The following NCAPG variants were observed in gnomAD, a reference collection of about 807,000 sequenced individuals.
NCAPG encodes non-SMC condensin I complex subunit G, also known as condensin complex subunit 3.
A neutral mutation model predicts 113.1 loss-of-function variants in NCAPG; 69 were observed. The ratio of observed to expected loss-of-function variants is 0.61; its 90% CI spans 0.50 to 0.75. The LOEUF is 0.75. NCAPG is among the 30% of genes least tolerant of loss of function. The probability of loss-of-function intolerance (pLI) is 0.00; values close to 1 mark genes in which losing one functional copy is unlikely to be tolerated. For synonymous variants in NCAPG, 370 were observed against 415.8 expected (o/e 0.89, Z 1.34); for missense variants, 1,058 against 1,177.0 (o/e 0.90, Z 1.48).
intron 15 of NCAPG, 74 bp from the exon 16 acceptor site, chr4:17,837,553 T>C (rs1214955208): frequency 1.4e-6 from 2 of 1,475,768 alleles, no homozygotes; most frequent in Admixed American, 2.1e-5. Context: ...TCCTACATAG[T>C]AGTTTTGAAT....
At chr4:17,820,601 C>CA (rs561508725) in intron 7 of NCAPG, among the ~76,000 whole-genome samples, 20 of 149,546 alleles carry the variant, frequency 1.3e-4, no homozygotes, top group Non-Finnish European at 2.2e-4. Flanking sequence ...GACTCCGTCT[C>CA]AAAAAAAACA....
chr4:17,812,591 G>A (rs1364235346), intron 2 of NCAPG, among the ~76,000 whole-genome samples, 167 bp downstream of exon 2: 1 of 152,108 alleles, frequency 6.6e-6, no homozygotes, highest in African/African-American at 2.4e-5. Flanking sequence ...TGATTAAAAA[G>A]TGGACTTTAA....
intron 6 of NCAPG, 25 bp from the exon 7 acceptor site, chr4:17,817,914 C>T (rs1418913482): frequency 6.4e-7 from 1 of 1,570,974 alleles, no homozygotes; most frequent in South Asian, 1.2e-5. Flanking sequence ...CATGCTTTCT[C>T]TCACACTCTT....
chr4:17,838,828 C>T (rs1432943344), intron 16 of NCAPG, among the ~76,000 whole-genome samples: 1 of 152,024 alleles, frequency 6.6e-6, no homozygotes, highest in Non-Finnish European at 1.5e-5. Context: ...TCATGAAAAC[C>T]ACTTATTGGA....
rs746315094 is a variant in NCAPG at position 17,823,753 on chromosome 4, A to G, written c.1366A>G (p.Asn456Asp). The change falls in exon 9 of 21, where the codon AAT becomes GAT. Residue 456 changes from asparagine (N) to aspartate (D), a missense_variant. Transcript: ENST00000251496. ...ACTACTCCACATCATTATAGATGAT[A>G]ATAAGAGAACACAAATTGTAAGTAA... The part of the protein sequence containing the change: ...ERLLHIIIDD[N>D]KRTQIVTEII... 3 of 1,595,664 alleles carry G rather than the reference A, an allele frequency of 1.9e-6. No homozygotes were observed. Among genetic ancestry groups the G allele is most frequent in the South Asian group, 2.2e-5 (2 of 89,402 alleles).
chr4:17,824,507 C>T (rs1721581348), intron 9 of NCAPG, among the ~76,000 whole-genome samples: 1 of 152,024 alleles, frequency 6.6e-6, no homozygotes, highest in African/African-American at 2.4e-5. Flanking sequence ...TTCCAATATA[C>T]AAGTGGTTCT....
rs1007919370 is a variant in NCAPG at position 17,825,368 on chromosome 4, A to C, written c.1474-14A>C. 5 of 1,572,434 alleles carry C rather than the reference A, an allele frequency of 3.2e-6. No individual in the cohort carries two copies. The highest frequency in any genetic ancestry group is 4.3e-6 in the Non-Finnish European group (5 of 1,167,650). ...TTTTTGTTCAGTGTTGAAACAATTT[A>C]TATCTTCCCTTAGATGGCTGAAATA... is the stretch of plus-strand genomic sequence containing the variant. On this transcript the variant is annotated splice_polypyrimidine_tract_variant and intron_variant, in intron 10 of 20. Coordinates refer to ENST00000251496, the MANE Select transcript of NCAPG (RefSeq NM_022346.5).
intron 11 of NCAPG, among the ~76,000 whole-genome samples, chr4:17,828,015 G>A (rs1721720698): frequency 6.6e-6 from 1 of 151,950 alleles, no homozygotes; most frequent in Non-Finnish European, 1.5e-5. Context: ...TGACCAGGCT[G>A]GTCCTAAATT....
intron 3 of NCAPG, among the ~76,000 whole-genome samples, chr4:17,813,818 T>C (rs1427540829): frequency 2.6e-5 from 4 of 152,194 alleles, no homozygotes; most frequent in African/African-American, 4.8e-5. Context: ...AAGGTAGTTG[T>C]ATTTCATTTT....
intron 17 of NCAPG, 95 bp from the exon 18 acceptor site, chr4:17,839,971 ATAATT>A (rs1722279883): frequency 1.4e-6 from 2 of 1,458,424 alleles, no homozygotes; most frequent in Non-Finnish European, 1.8e-6. Flanking sequence ...TAAATTTCAT[ATAATT>A]TAGTGTTTTT....
At chr4:17,830,904 T>A (rs1417504482) in intron 12 of NCAPG, 93 bp from the exon 13 acceptor site, 1 of 1,327,418 alleles carries the variant, frequency 7.5e-7, no homozygotes, top group African/African-American at 1.5e-5. Context: ...TACCTTTTCT[T>A]TAAAAGTGAA....
In NCAPG at chr4:17,843,349, C is replaced by G. The variant is rs75077775; in HGVS notation, c.2972C>G (p.Pro991Arg). ...EPESEMKMRL[P>R]RRAKTAALEK... ...GAATCAGAAATGAAGATGAGACTAC[C>G]AAGACGAGCCAAAACCGCAGCACTA... Residue 991 changes from proline to arginine, a missense_variant, in exon 21 of 21, where the codon CCA (proline) becomes CGA (arginine). Physicochemically the swap from Pro to Arg is moderately radical, Grantham distance 103. Transcript: ENST00000251496. The G allele has an allele frequency of 3.7e-6, 6 of 1,611,724 alleles. No individual in the cohort carries two copies. The highest frequency in any genetic ancestry group is 5.1e-6 in the Non-Finnish European group (6 of 1,178,312).
In NCAPG at chr4:17,834,283, G is replaced by T; in HGVS notation, c.1885-16G>T. The T allele has an allele frequency of 6.6e-7, 1 of 1,508,038 alleles. No individual in the cohort carries two copies. Among genetic ancestry groups the T allele is most frequent in the Non-Finnish European group, 9.0e-7 (1 of 1,114,732 alleles). 93.4% of individuals were successfully genotyped at this position (1,508,038 alleles called of 1,614,324 possible). A position where few individuals can be genotyped will look rare whatever the true frequency, so the allele number is the denominator to read the frequency against. ...TACTGAATTTACTTTTTTTGGTGGG[G>T]AATATCTTGATTTAGGTTTTGCAAA... is the stretch of plus-strand genomic sequence containing the variant. On this transcript the variant is annotated splice_polypyrimidine_tract_variant and intron_variant, in intron 13 of 20. Transcript: ENST00000251496.
chr4:17,819,457 A>C (rs1305199248), intron 7 of NCAPG, among the ~76,000 whole-genome samples: 1 of 151,136 alleles, frequency 6.6e-6, no homozygotes, highest in Admixed American at 6.6e-5. Flanking sequence ...GCTGGAGTGC[A>C]ATAGTGCAAT....
Position 17,815,357 on chromosome 4 carries a change from A to G in NCAPG, c.774A>G (p.Ser258=). The change falls in exon 5 of 21, where the codon TCA becomes TCG. Residue 258 remains serine, a splice_region_variant and synonymous_variant. Transcript: ENST00000251496. ...MLLQQGLNDR[S]DAVKQAMQKH... Reference sequence around the variant, plus strand: ...TTCAACAAGGTCTTAATGACAGATCAGGTAAGATAAACAACTTTATATATA... The same window carrying G: ...TTCAACAAGGTCTTAATGACAGATCGGGTAAGATAAACAACTTTATATATA... The G allele has an allele frequency of 6.3e-7, 1 of 1,580,886 alleles. No homozygotes were observed. The highest frequency in any genetic ancestry group is 1.2e-5 in the South Asian group (1 of 85,216).
Position 17,833,484 on chromosome 4 carries a change from T to A in NCAPG, c.1885-815T>A, listed in dbSNP as rs995636562. 4.4e-3 allele frequency among the ~76,000 whole-genome samples: 583 copies of A among 133,586 alleles called. 4 individuals are homozygous for A. Among genetic ancestry groups the A allele is most frequent in the African/African-American group, 0.015 (541 of 35,248 alleles). The allele number at this position is 133,586 out of a possible 152,430, so 87.6% of individuals were successfully genotyped here. On this transcript the variant is annotated intron_variant, in intron 13 of 20. Coordinates refer to ENST00000251496, the MANE Select transcript of NCAPG (RefSeq NM_022346.5). Reference sequence around the variant, plus strand: ...AAAAAAAAAAAATATATATATATATTTTTGTTGTTGTTGTTGTTGTTGTTG... The same window carrying A: ...AAAAAAAAAAAATATATATATATATATTTGTTGTTGTTGTTGTTGTTGTTG...
chr4:17,820,961 G>A (rs530311002), intron 7 of NCAPG, among the ~76,000 whole-genome samples: 1 of 152,254 alleles, frequency 6.6e-6, no homozygotes, highest in African/African-American at 2.4e-5. Context: ...TAAATTCTTA[G>A]ACTTTAAAAT....
Position 17,813,868 on chromosome 4 carries a change from CT to C in NCAPG, c.544+728del, listed in dbSNP as rs1363160819. On this transcript the variant is annotated intron_variant, in intron 3 of 20. Coordinates refer to ENST00000251496, the MANE Select transcript of NCAPG (RefSeq NM_022346.5). ...GGTATGTTTTAGGCACTCTTCTGTC[CT>C]TTTTGTCCCTATTACCAGTTTTATA... Among the ~76,000 whole-genome samples, 3 of 151,978 alleles carry C rather than the reference CT, an allele frequency of 2.0e-5. No homozygotes were observed. In the South Asian group the frequency reaches 6.2e-4, roughly 32 times the overall value.
chr4:17,817,530 G>T (rs775651488), intron 6 of NCAPG, 77 bp downstream of exon 6: 66 of 1,153,268 alleles, frequency 5.7e-5, no homozygotes, highest in Non-Finnish European at 8.2e-5. Flanking sequence ...CCTCCCCATA[G>T]CTTAAGATTA....
Sources: gnomAD v4.1 joint callset for allele counts (sites outside exome capture counted in the v4.1 genomes callset) on GRCh38, gnomAD v4.1.1 for gene constraint, MANE v1.5 for transcripts, NCBI Gene and HGNC (gene_info 2026-07-23, HGNC 2026-07-21) for gene names.